The following LHFPL6 variants were observed in gnomAD, a reference collection of about 807,000 sequenced individuals.
LHFPL6 encodes LHFPL tetraspan subfamily member 6.
In LHFPL6, 9 loss-of-function variants were observed where a neutral mutation model predicts 20.6. That is an observed-to-expected ratio of 0.44 (90% CI 0.26 to 0.76). The LOEUF is 0.76. Among genes scored for constraint, LHFPL6 ranks in the 30% least tolerant of loss-of-function variants. The pLI is 0.20. For synonymous variants in LHFPL6, 105 were observed against 98.7 expected (o/e 1.06, Z -0.38); for missense variants, 218 against 253.5 (o/e 0.86, Z 0.95).
intron 2 of LHFPL6, among the ~76,000 whole-genome samples, chr13:39,386,873 A>C (rs1252355398): frequency 6.6e-6 from 1 of 152,140 alleles, no homozygotes; most frequent in Non-Finnish European, 1.5e-5. Context: ...TCATCTCTGA[A>C]AGTCAAATCC....
chr13:39,537,019 A>G (rs913685901), intron 2 of LHFPL6, among the ~76,000 whole-genome samples: 1 of 152,174 alleles, frequency 6.6e-6, no homozygotes, highest in African/African-American at 2.4e-5. Context: ...CGTTCCCTCC[A>G]TGGGGCCTGT....
chr13:39,345,859 T>C (rs749270931), intron 3 of LHFPL6, among the ~76,000 whole-genome samples: 7 of 152,118 alleles, frequency 4.6e-5, no homozygotes, highest in Non-Finnish European at 8.8e-5. Flanking sequence ...GGTGCAAAGA[T>C]CCACCATCTC....
intron 2 of LHFPL6, among the ~76,000 whole-genome samples, chr13:39,516,026 A>C (rs963213553): frequency 1.3e-5 from 2 of 152,128 alleles, no homozygotes; most frequent in Admixed American, 6.5e-5. Context: ...CAACCCAGGA[A>C]TTTTTCAAAG....
chr13:39,559,409 T>G (rs2138518258), intron 2 of LHFPL6, among the ~76,000 whole-genome samples: 1 of 152,328 alleles, frequency 6.6e-6, no homozygotes, highest in South Asian at 2.1e-4. Context: ...AGAGGGGCAC[T>G]TCGATCTCAA....
intron 2 of LHFPL6, among the ~76,000 whole-genome samples, chr13:39,385,785 T>C (rs1336263191): frequency 6.6e-6 from 1 of 152,112 alleles, no homozygotes; most frequent in African/African-American, 2.4e-5. Flanking sequence ...AAAACAAACC[T>C]CTAGTCAGCC....
At chr13:39,545,729 T>C (rs1243585022) in intron 2 of LHFPL6, among the ~76,000 whole-genome samples, 1 of 152,058 alleles carries the variant, frequency 6.6e-6, no homozygotes, top group Non-Finnish European at 1.5e-5. Flanking sequence ...ATATGTAATA[T>C]AATGTAAATG....
intron 2 of LHFPL6, among the ~76,000 whole-genome samples, chr13:39,439,960 G>A (rs1266856061): frequency 6.6e-6 from 1 of 152,164 alleles, no homozygotes; most frequent in East Asian, 1.9e-4. Context: ...GTGTGAAAGT[G>A]AACTAATACA....
intron 2 of LHFPL6, among the ~76,000 whole-genome samples, chr13:39,575,512 C>T (rs916331226): frequency 2.0e-5 from 3 of 152,136 alleles, no homozygotes; most frequent in Non-Finnish European, 4.4e-5. Flanking sequence ...TTTACTATGA[C>T]ATCTCTATGT....
At chr13:39,351,274 C>G (rs1178248578) in intron 3 of LHFPL6, among the ~76,000 whole-genome samples, 1 of 152,156 alleles carries the variant, frequency 6.6e-6, no homozygotes, top group African/African-American at 2.4e-5. Context: ...AGGGGTCTCT[C>G]CTTTAATCAT....
At chr13:39,544,399 T>A (rs1404545187) in intron 2 of LHFPL6, among the ~76,000 whole-genome samples, 1 of 152,156 alleles carries the variant, frequency 6.6e-6, no homozygotes, top group Non-Finnish European at 1.5e-5. Flanking sequence ...GCAACAGATA[T>A]GAACTGAGAA....
chr13:39,566,940 A>G (rs1871738922), intron 2 of LHFPL6, among the ~76,000 whole-genome samples: 1 of 151,644 alleles, frequency 6.6e-6, no homozygotes. Context: ...ATAATCACAC[A>G]TGCCTCCCAG....
intron 2 of LHFPL6, among the ~76,000 whole-genome samples, chr13:39,537,028 G>A (rs1392009753): frequency 6.6e-6 from 1 of 152,212 alleles, no homozygotes; most frequent in African/African-American, 2.4e-5. Context: ...CATGGGGCCT[G>A]TTCCTCTGCC....
At chr13:39,404,161 C>A (rs1357858655) in intron 2 of LHFPL6, among the ~76,000 whole-genome samples, 1 of 152,186 alleles carries the variant, frequency 6.6e-6, no homozygotes, top group African/African-American at 2.4e-5. Context: ...TTGAAATTTA[C>A]ATGTTTTATA....
chr13:39,500,666 A>C (rs1292618217), intron 2 of LHFPL6, among the ~76,000 whole-genome samples: 1 of 152,164 alleles, frequency 6.6e-6, no homozygotes, highest in African/African-American at 2.4e-5. Flanking sequence ...TTAAATCATA[A>C]ATTTCTTAAG....
At chr13:39,430,053 C>A (rs1466729655) in intron 2 of LHFPL6, among the ~76,000 whole-genome samples, 1 of 152,222 alleles carries the variant, frequency 6.6e-6, no homozygotes, top group Non-Finnish European at 1.5e-5. Context: ...CAGGGCTCAG[C>A]CCTTGGGCAT....
At chr13:39,410,661 T>G (rs985392884) in intron 2 of LHFPL6, among the ~76,000 whole-genome samples, 1 of 152,226 alleles carries the variant, frequency 6.6e-6, no homozygotes, top group Non-Finnish European at 1.5e-5. Context: ...TCTCATGTTC[T>G]GGAGAAATGC....
At chr13:39,380,066 A>T (rs1870398990) in intron 2 of LHFPL6, among the ~76,000 whole-genome samples, 1 of 152,246 alleles carries the variant, frequency 6.6e-6, no homozygotes, top group African/African-American at 2.4e-5. Flanking sequence ...AATGTACAGC[A>T]TTCTAAAGAC....
chr13:39,412,749 C>G (rs1375773605), intron 2 of LHFPL6, among the ~76,000 whole-genome samples: 1 of 152,046 alleles, frequency 6.6e-6, no homozygotes, highest in African/African-American at 2.4e-5. Context: ...ATTGTGAAAC[C>G]CTGTCCCTAC....
At chr13:39,368,528 G>A (rs1255352208) in intron 3 of LHFPL6, among the ~76,000 whole-genome samples, 1 of 152,192 alleles carries the variant, frequency 6.6e-6, no homozygotes, top group East Asian at 1.9e-4. Context: ...GTTGCAGTGA[G>A]CCAAGATCAC....
Sources: gnomAD v4.1 joint callset for allele counts (sites outside exome capture counted in the v4.1 genomes callset) on GRCh38, gnomAD v4.1.1 for gene constraint, MANE v1.5 for transcripts, NCBI Gene and HGNC (gene_info 2026-07-23, HGNC 2026-07-21) for gene names.